Variants in NRG3 observed in about 807,000 individuals in gnomAD.
NRG3 encodes neuregulin 3.
In NRG3, 31 loss-of-function variants were observed where a neutral mutation model predicts 66.9. The ratio of observed to expected loss-of-function variants is 0.46; its 90% CI spans 0.35 to 0.63. The LOEUF (loss-of-function observed/expected upper bound fraction) is 0.63, where lower values mean the gene tolerates loss of function less well. Among genes scored for constraint, NRG3 ranks in the 20% least tolerant of loss-of-function variants. The pLI, the probability that NRG3 is intolerant of heterozygous loss-of-function variation, is 0.00. For synonymous variants in NRG3, 393 were observed against 359.4 expected (o/e 1.09, Z -1.06); for missense variants, 910 against 878.9 (o/e 1.04, Z -0.45).
intron 2 of NRG3, among the ~76,000 whole-genome samples, chr10:82,687,828 C>T (rs1591175152): frequency 6.6e-6 from 1 of 152,290 alleles, no homozygotes; most frequent in South Asian, 2.1e-4. Context: ...GCAGACTTAT[C>T]TCCCAAATCT....
chr10:82,815,420 A>G (rs1275712834), intron 3 of NRG3, among the ~76,000 whole-genome samples: 2 of 152,118 alleles, frequency 1.3e-5, no homozygotes, highest in Non-Finnish European at 2.9e-5. Flanking sequence ...CTTACAACAA[A>G]CATCATGAGA....
At chr10:81,949,277 A>G (rs188783626) in intron 1 of NRG3, among the ~76,000 whole-genome samples, 9 of 152,312 alleles carry the variant, frequency 5.9e-5, no homozygotes, top group African/African-American at 1.7e-4. Flanking sequence ...ATTACATATG[A>G]GAATCATAAG....
chr10:82,010,700 G>A (rs1026901790), intron 1 of NRG3, among the ~76,000 whole-genome samples: 1 of 152,158 alleles, frequency 6.6e-6, no homozygotes, highest in African/African-American at 2.4e-5. Context: ...GACATTAATT[G>A]GAGCGGGTGT....
rs181458045 is a variant in NRG3, at chr10:82,722,544, G to C, written c.954-16033G>C. On this transcript the variant is annotated intron_variant, in intron 2 of 8. Transcript: ENST00000372141. ...AAAAAAATATAGATGTGGTCATAAT[G>C]AAAAGCAATCAGTTATGGACCTATT... 5.3e-5 allele frequency among the ~76,000 whole-genome samples: 8 copies of C among 152,132 alleles called. No homozygotes were observed. In the East Asian group the frequency reaches 1.2e-3, roughly 22 times the overall value.
intron 2 of NRG3, among the ~76,000 whole-genome samples, chr10:82,373,598 G>C (rs2085029967): frequency 6.6e-6 from 1 of 152,216 alleles, no homozygotes; most frequent in Non-Finnish European, 1.5e-5. Context: ...TTCTGCAGCA[G>C]TTATGAAATA....
At chr10:82,612,351 G>A (rs1276538817) in intron 2 of NRG3, among the ~76,000 whole-genome samples, 2 of 150,124 alleles carry the variant, frequency 1.3e-5, no homozygotes, top group South Asian at 4.2e-4. Context: ...TTTTTTAATT[G>A]CTTTTGTTTA....
chr10:82,750,023 T>G (rs2058799869), intron 3 of NRG3, among the ~76,000 whole-genome samples: 1 of 152,206 alleles, frequency 6.6e-6, no homozygotes, highest in South Asian at 2.1e-4. Context: ...AACCACTTTC[T>G]GCAAAATTCA....
intron 2 of NRG3, among the ~76,000 whole-genome samples, chr10:82,517,629 G>T (rs1251135663): frequency 2.8e-5 from 2 of 70,432 alleles, no homozygotes; most frequent in East Asian, 8.3e-4. Context: ...CTCTCACCCC[G>T]CCCCCCCGTG....
intron 1 of NRG3, among the ~76,000 whole-genome samples, chr10:82,003,964 G>T (rs762185196): frequency 2.0e-5 from 3 of 149,010 alleles, no homozygotes; most frequent in Non-Finnish European, 1.5e-5. Flanking sequence ...TCCAGCCTGG[G>T]TGCTGTAAGG....
chr10:82,071,432 T>A (rs1385505046), intron 1 of NRG3, among the ~76,000 whole-genome samples: 1 of 152,010 alleles, frequency 6.6e-6, no homozygotes, highest in East Asian at 1.9e-4. Flanking sequence ...ACTCGCCTGA[T>A]ATGAGGAACA....
intron 1 of NRG3, among the ~76,000 whole-genome samples, chr10:82,246,144 A>G (rs903393874): frequency 6.6e-6 from 1 of 151,946 alleles, no homozygotes. Flanking sequence ...GCATGTAACT[A>G]CTTACTCTGT....
At chr10:82,544,520 C>T (rs1469656068) in intron 2 of NRG3, among the ~76,000 whole-genome samples, 1 of 152,146 alleles carries the variant, frequency 6.6e-6, no homozygotes, top group Non-Finnish European at 1.5e-5. Context: ...ACATATGTGA[C>T]ACAATCAGAG....
intron 8 of NRG3, among the ~76,000 whole-genome samples, chr10:82,980,454 G>A (rs912164018): frequency 6.6e-6 from 1 of 152,058 alleles, no homozygotes; most frequent in Non-Finnish European, 1.5e-5. Context: ...GGTTCTTGTG[G>A]CTCTGTTTTT....
intron 2 of NRG3, among the ~76,000 whole-genome samples, chr10:82,370,710 A>G (rs1387094599): frequency 6.6e-6 from 1 of 152,028 alleles, no homozygotes; most frequent in Non-Finnish European, 1.5e-5. Flanking sequence ...TTAACATCCA[A>G]CTACTCTTTT....
At chr10:82,103,042 A>C (rs2132137733) in intron 1 of NRG3, among the ~76,000 whole-genome samples, 1 of 152,212 alleles carries the variant, frequency 6.6e-6, no homozygotes, top group Admixed American at 6.5e-5. Flanking sequence ...TTGAGGAATT[A>C]TTTCAGACTA....
chr10:82,097,583 A>G (rs544835087), intron 1 of NRG3, among the ~76,000 whole-genome samples: 1 of 151,694 alleles, frequency 6.6e-6, no homozygotes, highest in South Asian at 2.1e-4. Flanking sequence ...ACATTAGCAT[A>G]TGGCTTTTGG....
At chr10:81,970,268 AC>A (rs1253515345) in intron 1 of NRG3, among the ~76,000 whole-genome samples, 23 of 152,186 alleles carry the variant, frequency 1.5e-4, no homozygotes, top group Admixed American at 1.5e-3. Context: ...CCTGGCATTT[AC>A]TGGTAAATCA....
intron 1 of NRG3, among the ~76,000 whole-genome samples, chr10:82,256,735 G>T (rs2077748762): frequency 6.6e-6 from 1 of 152,152 alleles, no homozygotes; most frequent in South Asian, 2.1e-4. Flanking sequence ...ATATTCTCCA[G>T]ATTCACAAGG....
intron 1 of NRG3, among the ~76,000 whole-genome samples, chr10:81,998,343 A>G (rs2061025134): frequency 1.3e-5 from 2 of 152,156 alleles, no homozygotes; most frequent in South Asian, 4.1e-4. Context: ...ATATGACTCT[A>G]GACATTCCCT....
Sources: allele counts gnomAD v4.1 joint callset (sites outside exome capture counted in the v4.1 genomes callset), GRCh38; gene constraint gnomAD v4.1.1; transcripts MANE v1.5; gene names NCBI Gene and HGNC (gene_info 2026-07-23, HGNC 2026-07-21).